The following ACAA2 variants were observed in gnomAD, a reference collection of about 807,000 sequenced individuals.
ACAA2 encodes 3-ketoacyl-CoA thiolase, mitochondrial.
A neutral mutation model predicts 44.8 loss-of-function variants in ACAA2; 35 were observed. That is an observed-to-expected ratio of 0.78 (90% confidence interval 0.60 to 1.04). ACAA2 has a LOEUF of 1.04. ACAA2 is among the 50% of genes least tolerant of loss of function. The pLI, the probability that ACAA2 is intolerant of heterozygous loss-of-function variation, is 0.00. For missense variants in ACAA2, 468 were observed against 482.6 expected (o/e 0.97, Z 0.28); for synonymous variants, 142 against 166.5 (o/e 0.85, Z 1.13).
At chr18:49,793,113 T>C (rs550295995) in intron 5 of ACAA2, among the ~76,000 whole-genome samples, 4 of 152,272 alleles carry the variant, frequency 2.6e-5, no homozygotes, top group Non-Finnish European at 4.4e-5. Context: ...AGTTACCAAG[T>C]TGTCTATGCC....
chr18:49,785,019 G>A (rs764108689), intron 9 of ACAA2, among the ~76,000 whole-genome samples, 178 bp downstream of exon 9: 1 of 152,164 alleles, frequency 6.6e-6, no homozygotes, highest in Non-Finnish European at 1.5e-5. Context: ...CTAACAAGGT[G>A]ACTGACTCAT....
Position 49,792,380 on chromosome 18 carries a change from T to TAAATCAAACATATTATTCA in ACAA2, c.578-72_578-54dup, listed in dbSNP as rs2023413733. Reference sequence around the variant, plus strand: ...AGAATAAAAGAGAGAAACATGAAAATAAATCAAACATATTATTCAATTTAA... The same window carrying TAAATCAAACATATTATTCA: ...AGAATAAAAGAGAGAAACATGAAAATAAATCAAACATATTATTCAAAATCAAACATATTATTCAATTTAA... On this transcript the variant is annotated intron_variant, in intron 5 of 9. Coordinates refer to ENST00000285093, the MANE Select transcript of ACAA2 (RefSeq NM_006111.3). 2.8e-6 allele frequency: 4 copies of TAAATCAAACATATTATTCA among 1,426,334 alleles called. No individual in the cohort carries two copies. In the Admixed American group the frequency reaches 7.6e-5, roughly 27 times the overall value. The allele number at this position is 1,426,334 out of a possible 1,614,324, so 88.4% of individuals were successfully genotyped here. A position where few individuals can be genotyped will look rare whatever the true frequency, so the allele number is the denominator to read the frequency against.
chr18:49,790,340 T>G (rs931266301), intron 7 of ACAA2, among the ~76,000 whole-genome samples: 1 of 152,208 alleles, frequency 6.6e-6, no homozygotes, highest in African/African-American at 2.4e-5. Flanking sequence ...CTGAGGGACA[T>G]GGCAGCAAAT....
chr18:49,799,999 T>G (rs1260771999), intron 2 of ACAA2, among the ~76,000 whole-genome samples: 4 of 147,498 alleles, frequency 2.7e-5, no homozygotes, highest in Admixed American at 2.7e-4. Flanking sequence ...ATCTGAGAAG[T>G]GAGGAGCCCC....
chr18:49,785,439 G>T, intron 8 of ACAA2, 88 bp from the exon 9 acceptor site: 2 of 1,290,302 alleles, frequency 1.6e-6, no homozygotes, highest in East Asian at 2.5e-5. Context: ...CAACAGCTAA[G>T]TCTGCTGTTT....
At chr18:49,799,819 TGCCCGGCC>T (rs2023514235) in intron 2 of ACAA2, among the ~76,000 whole-genome samples, 2 of 144,044 alleles carry the variant, frequency 1.4e-5, no homozygotes, top group Non-Finnish European at 1.5e-5. Flanking sequence ...GGAGCGTCTC[TGCCCGGCC>T]GCCCATCATC....
At chr18:49,796,855 T>C (rs908963595) in intron 3 of ACAA2, among the ~76,000 whole-genome samples, 1 of 152,130 alleles carries the variant, frequency 6.6e-6, no homozygotes, top group African/African-American at 2.4e-5. Context: ...TCTTGCTTCA[T>C]AGGATGGTTG....
intron 2 of ACAA2, among the ~76,000 whole-genome samples, chr18:49,800,381 C>T (rs1250930861): frequency 1.3e-5 from 2 of 152,164 alleles, no homozygotes; most frequent in Non-Finnish European, 2.9e-5. Context: ...CGGCCACCAC[C>T]CCGTCTGGGA....
chr18:49,806,896 G>A (rs1049983903), intron 1 of ACAA2, among the ~76,000 whole-genome samples: 2 of 151,692 alleles, frequency 1.3e-5, no homozygotes, highest in South Asian at 4.2e-4. Context: ...GAAAAATTCA[G>A]CGACTTTGAA....
Position 49,799,852 on chromosome 18 carries a change from C to T in ACAA2, c.184-2258G>A, listed in dbSNP as rs559107465. 1.5e-3 allele frequency among the ~76,000 whole-genome samples: 201 copies of T among 131,286 alleles called. 1 individual carries two copies. Among genetic ancestry groups the T allele is most frequent in the African/African-American group, 5.7e-3 (185 of 32,412 alleles). 86.1% of individuals were successfully genotyped at this position (131,286 alleles called of 152,430 possible). A position where few individuals can be genotyped will look rare whatever the true frequency, so the allele number is the denominator to read the frequency against. ...CGCCCATCATCTGGGATGTGGGGAGCGCCTCTGCCCGGCCGCGACCCCATC... is the reference window on the plus strand; with the variant it reads ...CGCCCATCATCTGGGATGTGGGGAGTGCCTCTGCCCGGCCGCGACCCCATC... On this transcript the variant is annotated intron_variant, in intron 2 of 9. Coordinates refer to ENST00000285093, the MANE Select transcript of ACAA2 (RefSeq NM_006111.3).
intron 1 of ACAA2, among the ~76,000 whole-genome samples, chr18:49,808,045 C>T (rs1000520708): frequency 1.3e-5 from 2 of 148,780 alleles, no homozygotes; most frequent in Admixed American, 6.7e-5. Context: ...TGAACAGATA[C>T]CTTACTAAAG....
chr18:49,796,086 G>A (rs1283222718), intron 3 of ACAA2, among the ~76,000 whole-genome samples: 1 of 152,116 alleles, frequency 6.6e-6, no homozygotes, highest in African/African-American at 2.4e-5. Context: ...AAAACTAAAA[G>A]GTTTCAATCA....
intron 8 of ACAA2, chr18:49,786,129 A>AGTCT (rs2023326164): frequency 6.6e-6 from 1 of 151,888 alleles, no homozygotes; most frequent in African/African-American, 2.4e-5. Context: ...GATAAAATTC[A>AGTCT]GTCTTGTGCT....
At chr18:49,800,227 TCAGCCCCCCGCCCGGCCAGCCGCCCCG>T (rs2023527268) in intron 2 of ACAA2, among the ~76,000 whole-genome samples, 1 of 111,102 alleles carries the variant, frequency 9.0e-6, no homozygotes, top group Admixed American at 9.1e-5. Context: ...GGTGGGGGGG[TCAGCCCCCCGCCCGGCCAGCCGCCCCG>T]TCCGGGAGGG....
At chr18:49,790,259 T>C (rs2023382419) in intron 7 of ACAA2, among the ~76,000 whole-genome samples, 1 of 152,220 alleles carries the variant, frequency 6.6e-6, no homozygotes, top group African/African-American at 2.4e-5. Context: ...TTGAGACACA[T>C]AGTGAAAGAT....
chr18:49,811,833 G>A (rs972793270), intron 1 of ACAA2, among the ~76,000 whole-genome samples: 6 of 152,026 alleles, frequency 3.9e-5, no homozygotes, highest in Non-Finnish European at 8.8e-5. Flanking sequence ...ACGATCACTA[G>A]CTCTAACACT....
At chr18:49,802,187 G>A (rs1406624016) in intron 2 of ACAA2, among the ~76,000 whole-genome samples, 1 of 152,168 alleles carries the variant, frequency 6.6e-6, no homozygotes, top group Non-Finnish European at 1.5e-5. Context: ...CAGACATACA[G>A]TTTCTAGAAC....
intron 1 of ACAA2, among the ~76,000 whole-genome samples, chr18:49,807,683 T>G (rs1296515107): frequency 6.6e-6 from 1 of 151,886 alleles, no homozygotes; most frequent in Non-Finnish European, 1.5e-5. Flanking sequence ...AATTAAGAAA[T>G]CAGCCAAGCA....
chr18:49,801,324 C>T (rs2023545107), intron 2 of ACAA2, among the ~76,000 whole-genome samples: 3 of 152,080 alleles, frequency 2.0e-5, no homozygotes. Context: ...GAGGCACAAA[C>T]ACAATGAAAC....
Sources: allele counts gnomAD v4.1 joint callset (sites outside exome capture counted in the v4.1 genomes callset), GRCh38; gene constraint gnomAD v4.1.1; transcripts MANE v1.5; gene names NCBI Gene and HGNC (gene_info 2026-07-23, HGNC 2026-07-21).